The following DHDDS variants were observed in gnomAD, a reference collection of about 807,000 sequenced individuals.
DHDDS encodes dehydrodolichyl diphosphate synthase subunit, also known as dehydrodolichyl diphosphate synthase complex subunit DHDDS.
A neutral mutation model predicts 46.2 loss-of-function variants in DHDDS; 16 were observed. The observed-to-expected ratio is 0.35, with a 90% confidence interval of 0.23 to 0.53. The LOEUF (loss-of-function observed/expected upper bound fraction) is 0.53. DHDDS is among the 20% of genes least tolerant of loss of function. The probability of loss-of-function intolerance (pLI) is 0.94; values close to 1 mark genes in which losing one functional copy is unlikely to be tolerated. For synonymous variants in DHDDS, 151 were observed against 163.1 expected (o/e 0.93, Z 0.56); for missense variants, 340 against 423.7 (o/e 0.80, Z 1.73).
At chr1:26,449,227 T>C (rs1173966727) in intron 6 of DHDDS, among the ~76,000 whole-genome samples, 1 of 151,978 alleles carries the variant, frequency 6.6e-6, no homozygotes, top group Non-Finnish European at 1.5e-5. Context: ...GCTTCCCAAG[T>C]AGCTGGGATT....
intron 3 of DHDDS, among the ~76,000 whole-genome samples, chr1:26,442,471 G>A (rs531655164): frequency 6.6e-6 from 1 of 152,312 alleles, no homozygotes; most frequent in South Asian, 2.1e-4. Flanking sequence ...TACACTCTCA[G>A]TGCAGAGTTC....
intron 6 of DHDDS, among the ~76,000 whole-genome samples, chr1:26,453,850 A>C (rs919030631): frequency 4.6e-5 from 7 of 152,248 alleles, no homozygotes; most frequent in African/African-American, 1.7e-4. Flanking sequence ...TCACGTAGAC[A>C]GCTTTAACTC....
Position 26,469,896 on chromosome 1 carries a change from G to A in DHDDS, c.*765G>A, listed in dbSNP as rs1337253546. On this transcript the variant is annotated 3_prime_UTR_variant, in exon 9 of 9. Coordinates refer to ENST00000236342, the MANE Select transcript of DHDDS (RefSeq NM_205861.3). ...CTCCATGGTTCAGGGTAACAGAAGG[G>A]CCTGTAGGCCCTGGTGAACTGAATC... 1 of 154,878 alleles carries A rather than the reference G, an allele frequency of 6.5e-6. No individual in the cohort carries two copies. The highest frequency in any genetic ancestry group is 1.4e-5 in the Non-Finnish European group (1 of 69,682). The allele number at this position is 154,878 out of a possible 1,614,324, so 9.6% of individuals were successfully genotyped here.
At chr1:26,463,894 A>G (rs1220688583) in intron 8 of DHDDS, among the ~76,000 whole-genome samples, 6 of 151,702 alleles carry the variant, frequency 4.0e-5, no homozygotes, top group Admixed American at 6.6e-5. Context: ...GGCCATAGCA[A>G]TTGGTTGTAT....
At chr1:26,459,042 A>T (rs1299755978) in intron 7 of DHDDS, among the ~76,000 whole-genome samples, 3 of 152,222 alleles carry the variant, frequency 2.0e-5, no homozygotes, top group African/African-American at 7.2e-5. Context: ...TTCCTTCTTT[A>T]TGCTGGAAAT....
chr1:26,457,226 AG>A (rs1205364207), intron 6 of DHDDS, among the ~76,000 whole-genome samples: 38 of 139,496 alleles, frequency 2.7e-4, no homozygotes, highest in Middle Eastern at 3.6e-3. Flanking sequence ...TCAGAGGCCG[AG>A]GGGGGGGCGG....
At chr1:26,465,226 C>T (rs1462985046) in intron 8 of DHDDS, among the ~76,000 whole-genome samples, 1 of 152,208 alleles carries the variant, frequency 6.6e-6, no homozygotes, top group Non-Finnish European at 1.5e-5. Flanking sequence ...GGAAAAGACA[C>T]ATGTTCCCAC....
intron 6 of DHDDS, chr1:26,455,300 A>G: frequency 1.9e-6 from 1 of 536,934 alleles, no homozygotes; most frequent in Non-Finnish European, 3.4e-6. Flanking sequence ...TGGAGAATTA[A>G]GACCATGCTG....
At chr1:26,464,719 A>G (rs762600773) in intron 8 of DHDDS, among the ~76,000 whole-genome samples, 1 of 152,138 alleles carries the variant, frequency 6.6e-6, no homozygotes, top group Non-Finnish European at 1.5e-5. Flanking sequence ...TACCTGTTCC[A>G]TGCCCTCCAG....
rs1233168370 is a variant in DHDDS, at chr1:26,446,365, C to T, written c.373C>T (p.His125Tyr). The T allele has an allele frequency of 3.1e-6, 5 of 1,613,952 alleles. No homozygotes were observed. In the South Asian group the frequency reaches 3.3e-5, roughly 11 times the overall value. ...GTGTATCCGGGTCCTGGGCGATCTG[C>T]ACTTGTTGCCCTTGGATCTCCAGGA... ...GVCIRVLGDL[H>Y]LLPLDLQELI... The change falls in exon 5 of 9, where the codon CAC becomes TAC. Residue 125 changes from histidine (H) to tyrosine (Y), a missense_variant. Coordinates refer to ENST00000236342, the MANE Select transcript of DHDDS (RefSeq NM_205861.3).
intron 6 of DHDDS, among the ~76,000 whole-genome samples, chr1:26,450,475 A>G (rs547599956): frequency 1.3e-5 from 2 of 152,234 alleles, no homozygotes; most frequent in African/African-American, 2.4e-5. Context: ...GAGAAGAAGA[A>G]AGAGCCTAAG....
intron 6 of DHDDS, chr1:26,454,537 A>T: frequency 3.4e-6 from 2 of 587,356 alleles, no homozygotes; most frequent in Non-Finnish European, 6.0e-6. Flanking sequence ...CTATTATTTC[A>T]TTTGATTTGA....
intron 8 of DHDDS, among the ~76,000 whole-genome samples, chr1:26,468,232 G>T (rs1442336229): frequency 6.6e-6 from 1 of 152,130 alleles, no homozygotes; most frequent in Non-Finnish European, 1.5e-5. Flanking sequence ...GTTCATAGGG[G>T]GGTCATTTGC....
intron 8 of DHDDS, among the ~76,000 whole-genome samples, chr1:26,460,616 A>C (rs1259645641): frequency 1.3e-5 from 2 of 152,146 alleles, no homozygotes; most frequent in Non-Finnish European, 1.5e-5. Context: ...TCAAGACTTG[A>C]AGTTTGACTT....
intron 7 of DHDDS, among the ~76,000 whole-genome samples, chr1:26,458,999 T>C (rs1043347960): frequency 1.4e-4 from 22 of 152,164 alleles, no homozygotes; most frequent in African/African-American, 4.8e-4. Flanking sequence ...GGGAAATAAG[T>C]GACAATGTAT....
At position 26,442,763 on chromosome 1, in the gene DHDDS, A is replaced by G. The variant is rs1230195916; in HGVS notation, c.213A>G (p.Leu71=). ...GGTGGTGTTTGAACCTGGGCATCCTAGAGGTGACAGTCTACGCATTCAGCA... is the reference window on the plus strand; with the variant it reads ...GGTGGTGTTTGAACCTGGGCATCCTGGAGGTGACAGTCTACGCATTCAGCA... ...TLRWCLNLGI[L]EVTVYAFSIE... The change falls in exon 4 of 9, where the codon CTA becomes CTG. Residue 71 remains leucine (L), a synonymous_variant. Transcript: ENST00000236342. 16 of 1,614,006 alleles carry G rather than the reference A, an allele frequency of 9.9e-6. No homozygotes were observed. The highest frequency in any genetic ancestry group is 1.3e-5 in the Non-Finnish European group (15 of 1,180,034).
chr1:26,468,814 C>T, intron 8 of DHDDS, 81 bp from the exon 9 acceptor site: 4 of 1,401,218 alleles, frequency 2.9e-6, no homozygotes, highest in Non-Finnish European at 3.9e-6. Flanking sequence ...ACCCTGTGCC[C>T]CACCCCCTAC....
intron 3 of DHDDS, among the ~76,000 whole-genome samples, chr1:26,439,528 G>C (rs1398611975): frequency 6.6e-6 from 1 of 152,066 alleles, no homozygotes; most frequent in Non-Finnish European, 1.5e-5. Flanking sequence ...GCTGCAGTGA[G>C]CTGTGTTCAC....
chr1:26,439,814 G>C (rs1319832912), intron 3 of DHDDS, among the ~76,000 whole-genome samples: 1 of 152,200 alleles, frequency 6.6e-6, no homozygotes, highest in South Asian at 2.1e-4. Context: ...TTTAACAAAA[G>C]AATGGAATAT....
Sources: gnomAD v4.1 joint callset for allele counts (sites outside exome capture counted in the v4.1 genomes callset) on GRCh38, gnomAD v4.1.1 for gene constraint, MANE v1.5 for transcripts, NCBI Gene and HGNC (gene_info 2026-07-23, HGNC 2026-07-21) for gene names.